PHF24: variants seen among roughly 807,000 people sequenced by gnomAD.
PHF24 encodes PHD finger protein 24.
In PHF24, 25 loss-of-function variants were observed where a neutral mutation model predicts 42.6. That is an observed-to-expected ratio of 0.59 (90% CI 0.43 to 0.82). The LOEUF (loss-of-function observed/expected upper bound fraction) is 0.82. PHF24 is among the 40% of genes least tolerant of loss of function. The pLI is 0.00. For synonymous variants in PHF24, 185 were observed against 204.8 expected (o/e 0.90, Z 0.83); for missense variants, 470 against 538.1 (o/e 0.87, Z 1.25).
At chr9:34,690,996 G>A in the PHF24 span, 14 of 1,097,924 alleles carry the variant, frequency 1.3e-5, no homozygotes, top group Non-Finnish European at 1.7e-5. Flanking sequence ...AACTCACCAT[G>A]TCCCTTACGT....
the PHF24 span, among the ~76,000 whole-genome samples, chr9:34,749,445 G>T: frequency 6.6e-6 from 1 of 151,976 alleles, no homozygotes; most frequent in Non-Finnish European, 1.5e-5. Flanking sequence ...GATATATAAA[G>T]GATCCAGCCA....
exon 8 of PHF24, chr9:34,979,003 C>T (rs1827301607): frequency 6.6e-6 from 1 of 151,824 alleles, no homozygotes; most frequent in African/African-American, 2.4e-5. Context: ...GCAGGAGCCA[C>T]AGCCCTCTGT....
chr9:34,826,541 G>T, the PHF24 span, among the ~76,000 whole-genome samples: 1 of 152,174 alleles, frequency 6.6e-6, no homozygotes, highest in Non-Finnish European at 1.5e-5. Context: ...TCCCTGCCTG[G>T]GCTGCAGTGA....
the PHF24 span, among the ~76,000 whole-genome samples, chr9:34,842,621 T>A: frequency 6.6e-6 from 1 of 152,148 alleles, no homozygotes; most frequent in South Asian, 2.1e-4. Flanking sequence ...GGTTCCATCT[T>A]GGAAGCAGAG....
the PHF24 span, among the ~76,000 whole-genome samples, chr9:34,672,105 T>G: frequency 1.3e-5 from 2 of 152,244 alleles, no homozygotes; most frequent in African/African-American, 4.8e-5. Flanking sequence ...AGTGGATTGC[T>G]GTGGGCTGTT....
At chr9:34,676,403 A>T in the PHF24 span, among the ~76,000 whole-genome samples, 3 of 152,202 alleles carry the variant, frequency 2.0e-5, no homozygotes, top group African/African-American at 7.2e-5. Context: ...GGGCCCCTGT[A>T]GTCCCAGCTT....
the PHF24 span, among the ~76,000 whole-genome samples, chr9:34,826,005 G>T: frequency 1.3e-4 from 20 of 152,012 alleles, no homozygotes; most frequent in African/African-American, 4.8e-4. Flanking sequence ...TATGCTACTT[G>T]CCTGGCTGTG....
chr9:34,674,815 G>A, the PHF24 span, among the ~76,000 whole-genome samples: 4 of 152,332 alleles, frequency 2.6e-5, no homozygotes, highest in East Asian at 1.9e-4. Context: ...AGACACGTAG[G>A]TGGGTAAGGG....
the PHF24 span, among the ~76,000 whole-genome samples, chr9:34,747,835 A>G: frequency 6.6e-6 from 1 of 152,228 alleles, no homozygotes; most frequent in African/African-American, 2.4e-5. Context: ...GTTCACCAAA[A>G]GACATATATT....
the PHF24 span, among the ~76,000 whole-genome samples, chr9:34,927,697 T>C: frequency 2.6e-5 from 4 of 152,234 alleles, no homozygotes; most frequent in African/African-American, 9.6e-5. Context: ...AGAGGCCCAG[T>C]GCTTCCTCGC....
chr9:34,737,433 T>C, the PHF24 span, among the ~76,000 whole-genome samples: 1 of 152,230 alleles, frequency 6.6e-6, no homozygotes, highest in Non-Finnish European at 1.5e-5. Flanking sequence ...ATTTTGCTTA[T>C]CCATTCATCA....
the PHF24 span, among the ~76,000 whole-genome samples, chr9:34,852,798 A>G: frequency 6.6e-6 from 1 of 152,020 alleles, no homozygotes; most frequent in African/African-American, 2.4e-5. Context: ...TTTCCTGTAC[A>G]TGTGTATTTT....
At chr9:34,922,581 C>T in the PHF24 span, 1 of 965,676 alleles carries the variant, frequency 1.0e-6, no homozygotes, top group Non-Finnish European at 1.7e-6. Context: ...GAAGAATTTG[C>T]TCTCGCTTGT....
chr9:34,675,562 A>C, the PHF24 span, among the ~76,000 whole-genome samples: 1 of 152,206 alleles, frequency 6.6e-6, no homozygotes, highest in Non-Finnish European at 1.5e-5. Flanking sequence ...GGAACATTGC[A>C]CAGAACTTCT....
the PHF24 span, among the ~76,000 whole-genome samples, chr9:34,836,739 G>A: frequency 1.3e-5 from 2 of 152,100 alleles, no homozygotes; most frequent in Non-Finnish European, 2.9e-5. Context: ...ATGTGACATG[G>A]GTGACTTTCT....
the PHF24 span, among the ~76,000 whole-genome samples, chr9:34,774,935 T>C: frequency 6.6e-6 from 1 of 152,174 alleles, no homozygotes; most frequent in South Asian, 2.1e-4. Context: ...GTGCAGAAAT[T>C]GGAACCCTGG....
At chr9:34,753,688 T>C in the PHF24 span, among the ~76,000 whole-genome samples, 1 of 151,984 alleles carries the variant, frequency 6.6e-6, no homozygotes, top group Non-Finnish European at 1.5e-5. Flanking sequence ...GCCAAAGCTA[T>C]CCTGAGCAAA....
At chr9:34,907,054 T>G in the PHF24 span, among the ~76,000 whole-genome samples, 8 of 152,180 alleles carry the variant, frequency 5.3e-5, no homozygotes, top group Non-Finnish European at 8.8e-5. Flanking sequence ...CCCAAACTCC[T>G]GGCCTCAAGG....
chr9:34,676,026 G>C, the PHF24 span, among the ~76,000 whole-genome samples: 1 of 152,176 alleles, frequency 6.6e-6, no homozygotes, highest in African/African-American at 2.4e-5. Flanking sequence ...GAAAGGGCTA[G>C]TGGTGGGAGA....
Sources: allele counts gnomAD v4.1 joint callset (sites outside exome capture counted in the v4.1 genomes callset), GRCh38; gene constraint gnomAD v4.1.1; transcripts MANE v1.5; gene names NCBI Gene and HGNC (gene_info 2026-07-23, HGNC 2026-07-21).